The following RIMS2 variants were observed in gnomAD, a reference collection of about 807,000 sequenced individuals.
The protein encoded by RIMS2 is regulating synaptic membrane exocytosis 2.
A neutral mutation model predicts 174.4 loss-of-function variants in RIMS2; 59 were observed. The observed-to-expected ratio is 0.34, with a 90% CI of 0.27 to 0.42. The LOEUF (loss-of-function observed/expected upper bound fraction) is 0.42, where lower values mean the gene tolerates loss of function less well. Ranked by LOEUF, RIMS2 falls within the 10% of genes least tolerant of loss-of-function variation. The pLI is 1.00. For missense variants in RIMS2, 1,620 were observed against 1,666.3 expected, an observed-to-expected ratio of 0.97 and a Z score of 0.48; for synonymous variants, 606 against 572.5, an observed-to-expected ratio of 1.06 and a Z score of -0.84.
intron 2 of RIMS2, among the ~76,000 whole-genome samples, chr8:103,752,375 C>T (rs1432217940): frequency 6.6e-6 from 1 of 152,136 alleles, no homozygotes; most frequent in East Asian, 1.9e-4. Flanking sequence ...AGTTAGAAGT[C>T]AGGTAGCGTG....
At chr8:104,208,098 A>G (rs1332708420) in intron 19 of RIMS2, among the ~76,000 whole-genome samples, 1 of 152,052 alleles carries the variant, frequency 6.6e-6, no homozygotes, top group Non-Finnish European at 1.5e-5. Context: ...GTCTTCTTCT[A>G]ACAAGTGATT....
At chr8:104,198,173 T>TA (rs1479173453) in intron 19 of RIMS2, among the ~76,000 whole-genome samples, 1 of 152,088 alleles carries the variant, frequency 6.6e-6, no homozygotes, top group Non-Finnish European at 1.5e-5. Context: ...AAGTTTTTGC[T>TA]AAAAAAACAA....
chr8:103,879,831 T>A (rs746413533), intron 3 of RIMS2, among the ~76,000 whole-genome samples: 1 of 151,658 alleles, frequency 6.6e-6, no homozygotes, highest in Non-Finnish European at 1.5e-5. Context: ...TTCAGAGTAG[T>A]AATATTAGTA....
chr8:103,982,002 T>A (rs1470574742), intron 16 of RIMS2, among the ~76,000 whole-genome samples: 1 of 151,972 alleles, frequency 6.6e-6, no homozygotes, highest in African/African-American at 2.4e-5. Context: ...TTGACAAACT[T>A]TCAGCCAGAC....
At chr8:104,151,334 C>T (rs141609870) in intron 19 of RIMS2, among the ~76,000 whole-genome samples, 2 of 152,112 alleles carry the variant, frequency 1.3e-5, no homozygotes, top group African/African-American at 4.8e-5. Flanking sequence ...TTTGGGAGGC[C>T]AAGGCAGGCA....
chr8:103,579,259 T>TCACACACACACAGA lies in RIMS2; in HGVS notation c.176+78198_176+78199insACACACACACAGAC, dbSNP rs56318755. 6.7e-5 allele frequency among the ~76,000 whole-genome samples: 4 copies of TCACACACACACAGA among 59,864 alleles called. No homozygotes were observed. The South Asian group carries it at 1.6e-3, about 23-fold the overall frequency. 39.3% of individuals were successfully genotyped at this position (59,864 alleles called of 152,430 possible). Reference sequence around the variant, plus strand: ...CTCTCTCCCTCTCTCTCTGTCTCTGTCTCACACACACACAGACACACACAC... The same window carrying TCACACACACACAGA: ...CTCTCTCCCTCTCTCTCTGTCTCTGTCACACACACACAGACTCACACACACACAGACACACACAC... On this transcript the variant is annotated intron_variant, in intron 1 of 23. Transcript: ENST00000504942.
At chr8:104,049,753 CA>C (rs1182323577) in intron 19 of RIMS2, among the ~76,000 whole-genome samples, 1 of 151,966 alleles carries the variant, frequency 6.6e-6, no homozygotes, top group Non-Finnish European at 1.5e-5. Context: ...AAATAAATTT[CA>C]AAAAAGGAAA....
At chr8:103,718,355 A>G (rs1399930108) in intron 2 of RIMS2, among the ~76,000 whole-genome samples, 1 of 152,160 alleles carries the variant, frequency 6.6e-6, no homozygotes, top group Non-Finnish European at 1.5e-5. Flanking sequence ...CTTCTGAATG[A>G]GAGTTTTTAT....
chr8:103,652,090 A>C, intron 1 of RIMS2, 115 bp from the exon 2 acceptor site: 1 of 367,626 alleles, frequency 2.7e-6, no homozygotes, highest in Non-Finnish European at 5.0e-6. Context: ...GCAAAGCACT[A>C]AGTCTTTCTA....
At chr8:104,013,462 G>A (rs1438452521) in exon 18 of RIMS2, 1 of 1,613,666 alleles carries the variant, frequency 6.2e-7, no homozygotes, top group Non-Finnish European at 8.5e-7. Flanking sequence ...GCAGCAGATA[G>A]ACAGCCATAT....
chr8:103,832,735 C>A (rs1355794768), intron 3 of RIMS2, among the ~76,000 whole-genome samples: 1 of 152,130 alleles, frequency 6.6e-6, no homozygotes, highest in Non-Finnish European at 1.5e-5. Context: ...TTTATGGCTG[C>A]AATTTTTAAT....
intron 19 of RIMS2, among the ~76,000 whole-genome samples, chr8:104,219,090 G>A (rs2099144108): frequency 6.6e-6 from 1 of 152,178 alleles, no homozygotes; most frequent in South Asian, 2.1e-4. Context: ...TAAATGACAT[G>A]TAACTTTCTA....
At chr8:103,721,193 T>C (rs879294184) in intron 2 of RIMS2, among the ~76,000 whole-genome samples, 6 of 152,170 alleles carry the variant, frequency 3.9e-5, no homozygotes, top group Admixed American at 6.5e-5. Context: ...ATTGCATGTT[T>C]CCTGAAGCCA....
intron 3 of RIMS2, among the ~76,000 whole-genome samples, chr8:103,795,017 G>A (rs1396009934): frequency 6.6e-6 from 1 of 152,222 alleles, no homozygotes; most frequent in Non-Finnish European, 1.5e-5. Context: ...CATTGTGGAA[G>A]TCAGTGTGGC....
chr8:104,237,193 T>A (rs1454895468), intron 19 of RIMS2, among the ~76,000 whole-genome samples: 1 of 152,136 alleles, frequency 6.6e-6, no homozygotes, highest in Non-Finnish European at 1.5e-5. Context: ...GTATTCAAAA[T>A]GGCCAATTTT....
chr8:103,562,703 A>C (rs2091780128), intron 1 of RIMS2, among the ~76,000 whole-genome samples: 1 of 152,152 alleles, frequency 6.6e-6, no homozygotes, highest in Non-Finnish European at 1.5e-5. Context: ...CAATAGGGAC[A>C]CTGTGTGGAG....
chr8:104,209,906 G>A (rs2137607575), intron 19 of RIMS2, among the ~76,000 whole-genome samples: 1 of 152,230 alleles, frequency 6.6e-6, no homozygotes, highest in South Asian at 2.1e-4. Flanking sequence ...ATGAAATTGA[G>A]TCTATAAAAA....
chr8:103,743,714 G>A (rs758147015), intron 2 of RIMS2, among the ~76,000 whole-genome samples: 1 of 152,068 alleles, frequency 6.6e-6, no homozygotes, highest in Non-Finnish European at 1.5e-5. Context: ...TGAATCTAAA[G>A]CTTCCCCATT....
chr8:103,933,019 G>A (rs913921018), intron 12 of RIMS2, among the ~76,000 whole-genome samples: 18 of 152,038 alleles, frequency 1.2e-4, no homozygotes, highest in Non-Finnish European at 2.4e-4. Context: ...TTGGCCAGGC[G>A]CGGTGGCTCA....
Sources: gnomAD v4.1 joint callset for allele counts (sites outside exome capture counted in the v4.1 genomes callset) on GRCh38, gnomAD v4.1.1 for gene constraint, MANE v1.5 for transcripts, NCBI Gene and HGNC (gene_info 2026-07-23, HGNC 2026-07-21) for gene names.